MALRD1: variants seen among roughly 807,000 people sequenced by gnomAD.
MALRD1 encodes MAM and LDL-receptor class A domain-containing protein 1.
In MALRD1, 247 loss-of-function variants were observed where a neutral mutation model predicts 242.1. That is an observed-to-expected ratio of 1.02 (90% CI 0.92 to 1.13). MALRD1 has a LOEUF of 1.13. Ranked by LOEUF, MALRD1 falls within the 50% of genes most tolerant of loss-of-function variation. The pLI is 0.00. For missense variants in MALRD1, 2,989 were observed against 2,533.1 expected, an observed-to-expected ratio of 1.18 and a Z score of -3.86; for synonymous variants, 995 against 866.6, an observed-to-expected ratio of 1.15 and a Z score of -2.60.
Position 19,721,108 on chromosome 10 carries a change from CA to C in MALRD1, c.6315-9595del, listed in dbSNP as rs1834725813. Among the ~76,000 whole-genome samples, 2 of 151,754 alleles carry C rather than the reference CA, an allele frequency of 1.3e-5. 1 individual carries two copies. Among genetic ancestry groups the C allele is most frequent in the South Asian group, 4.1e-4 (2 of 4,826 alleles). On this transcript the variant is annotated intron_variant, in intron 38 of 39. Transcript: ENST00000454679. Reference sequence around the variant, plus strand: ...AGAAAACAGTACACTGGTTAAGAAACAAACATTTCTAAAAAGATCTCTTCTT... The same window carrying C: ...AGAAAACAGTACACTGGTTAAGAAACAACATTTCTAAAAAGATCTCTTCTT...
chr10:19,585,497 C>G (rs1227607022), intron 33 of MALRD1, among the ~76,000 whole-genome samples: 1 of 151,880 alleles, frequency 6.6e-6, no homozygotes, highest in Non-Finnish European at 1.5e-5. Context: ...CTTAGTTTGG[C>G]TGGATATGAA....
chr10:19,178,949 C>A (rs1436652397), intron 14 of MALRD1, among the ~76,000 whole-genome samples: 1 of 152,190 alleles, frequency 6.6e-6, no homozygotes, highest in African/African-American at 2.4e-5. Context: ...GAACAGAGAC[C>A]TCTGCATGAT....
Position 19,692,553 on chromosome 10 carries a change from A to G in MALRD1, c.6313A>G (p.Arg2105Gly). The stretch of plus-strand genomic sequence containing the variant: ...TCTTGCAAACAGAAAGGTACCAATA[A>G]GGTAAGTGATGCCTTTAGTTGCTAA... ...CFLANRKVPI[R>G]KTEGSGNCAF... Residue 2105 changes from arginine (R) to glycine (G), a missense_variant and splice_region_variant, in exon 38 of 40, where the codon AGG becomes GGG. Arg to Gly is a moderately radical substitution (Grantham distance 125). Coordinates refer to ENST00000454679, the MANE Select transcript of MALRD1 (RefSeq NM_001142308.3). 1 of 1,532,888 alleles carries G rather than the reference A, an allele frequency of 6.5e-7. No individual in the cohort carries two copies. Among genetic ancestry groups the G allele is most frequent in the South Asian group, 1.2e-5 (1 of 83,682 alleles). The allele number at this position is 1,532,888 out of a possible 1,614,324, so 95.0% of individuals were successfully genotyped here. A position where few individuals can be genotyped will look rare whatever the true frequency, so the allele number is the denominator to read the frequency against.
At chr10:19,532,226 T>G (rs1379996650) in intron 32 of MALRD1, among the ~76,000 whole-genome samples, 1 of 152,172 alleles carries the variant, frequency 6.6e-6, no homozygotes, top group Non-Finnish European at 1.5e-5. Flanking sequence ...ACAGTCAAAA[T>G]TATGATTTCA....
intron 33 of MALRD1, among the ~76,000 whole-genome samples, chr10:19,586,124 C>A (rs542457549): frequency 6.1e-4 from 93 of 152,228 alleles, no homozygotes; most frequent in African/African-American, 2.2e-3. Context: ...GTTATACATT[C>A]TTCTAAATTT....
intron 1 of MALRD1, among the ~76,000 whole-genome samples, chr10:19,052,475 C>T (rs1208700057): frequency 1.3e-5 from 2 of 152,074 alleles, no homozygotes; most frequent in African/African-American, 2.4e-5. Flanking sequence ...AATTGATTCC[C>T]ATCATAACTG....
intron 21 of MALRD1, among the ~76,000 whole-genome samples, chr10:19,299,530 T>G (rs971247630): frequency 7.2e-5 from 11 of 151,880 alleles, no homozygotes; most frequent in African/African-American, 2.7e-4. Context: ...ATAAAACAAA[T>G]TCTTAGAGAC....
chr10:19,283,895 G>C (rs544638866), intron 21 of MALRD1, among the ~76,000 whole-genome samples: 2 of 152,268 alleles, frequency 1.3e-5, no homozygotes, highest in South Asian at 2.1e-4. Flanking sequence ...AGAAATAAAC[G>C]AGTGACTGAA....
chr10:19,249,093 A>ATG (rs1400941029), intron 18 of MALRD1, among the ~76,000 whole-genome samples: 5 of 150,224 alleles, frequency 3.3e-5, no homozygotes, highest in African/African-American at 1.2e-4. Context: ...ATACACATAT[A>ATG]TGTGTGTATG....
intron 26 of MALRD1, among the ~76,000 whole-genome samples, chr10:19,358,577 A>G (rs1468854851): frequency 6.6e-6 from 1 of 152,220 alleles, no homozygotes; most frequent in Non-Finnish European, 1.5e-5. Flanking sequence ...GACACTGCTT[A>G]CTAACTGTGT....
intron 28 of MALRD1, among the ~76,000 whole-genome samples, chr10:19,406,810 C>T (rs1030815844): frequency 2.0e-5 from 3 of 152,148 alleles, no homozygotes; most frequent in Non-Finnish European, 2.9e-5. Flanking sequence ...TGACATAGTG[C>T]CATACACAAC....
chr10:19,206,670 A>T (rs969605434), intron 17 of MALRD1, among the ~76,000 whole-genome samples: 4 of 152,152 alleles, frequency 2.6e-5, no homozygotes, highest in African/African-American at 9.7e-5. Context: ...ACTTCATGAC[A>T]CAGTGTACAT....
At chr10:19,633,115 A>T (rs1356639922) in intron 36 of MALRD1, among the ~76,000 whole-genome samples, 1 of 152,084 alleles carries the variant, frequency 6.6e-6, no homozygotes, top group Non-Finnish European at 1.5e-5. Context: ...ACCTGTAATC[A>T]CAGCTATTCT....
chr10:19,264,894 G>A (rs971745966), intron 19 of MALRD1, among the ~76,000 whole-genome samples: 2 of 152,112 alleles, frequency 1.3e-5, no homozygotes, highest in Admixed American at 1.3e-4. Context: ...TTTCTTTGGT[G>A]GGAGATTTTG....
intron 33 of MALRD1, among the ~76,000 whole-genome samples, chr10:19,576,848 T>C (rs1836851202): frequency 6.6e-6 from 1 of 152,174 alleles, no homozygotes; most frequent in South Asian, 2.1e-4. Flanking sequence ...CGCTCTGAGA[T>C]TGTCTTAGTC....
At chr10:19,373,252 A>G (rs1845466134) in intron 26 of MALRD1, among the ~76,000 whole-genome samples, 2 of 85,108 alleles carry the variant, frequency 2.3e-5, no homozygotes, top group Non-Finnish European at 4.6e-5. Flanking sequence ...TCATGCGTGT[A>G]ATCCCAGCAC....
chr10:19,546,636 C>T (rs2131391875), intron 32 of MALRD1, among the ~76,000 whole-genome samples: 1 of 152,314 alleles, frequency 6.6e-6, no homozygotes, highest in Non-Finnish European at 1.5e-5. Context: ...TAGAACAGTT[C>T]ACATTTTTGT....
intron 35 of MALRD1, among the ~76,000 whole-genome samples, chr10:19,610,201 G>A (rs1448357395): frequency 6.6e-6 from 1 of 151,820 alleles, no homozygotes; most frequent in African/African-American, 2.4e-5. Flanking sequence ...ATCACCTCAT[G>A]CATTAATTAT....
intron 36 of MALRD1, among the ~76,000 whole-genome samples, chr10:19,620,791 C>G (rs1839366890): frequency 1.3e-5 from 2 of 151,718 alleles, no homozygotes; most frequent in Non-Finnish European, 2.9e-5. Context: ...CCTGAAATTT[C>G]AAAGAAAAGC....
Sources: gnomAD v4.1 joint callset for allele counts (sites outside exome capture counted in the v4.1 genomes callset) on GRCh38, gnomAD v4.1.1 for gene constraint, MANE v1.5 for transcripts, NCBI Gene and HGNC (gene_info 2026-07-23, HGNC 2026-07-21) for gene names.